Variants in KDM1B observed in about 807,000 individuals in gnomAD.
KDM1B encodes lysine demethylase 1B, also known as lysine-specific histone demethylase 2.
In KDM1B, 63 loss-of-function variants were observed where a neutral mutation model predicts 107.4. The observed-to-expected ratio is 0.59, with a 90% CI of 0.48 to 0.72. The LOEUF is 0.72. KDM1B is among the 30% of genes least tolerant of loss of function. KDM1B has a pLI of 0.00. For missense variants in KDM1B, 749 were observed against 1,020.8 expected (o/e 0.73, Z 3.63); for synonymous variants, 363 against 363.9 (o/e 1.00, Z 0.03).
chr6:18,194,302 C>T (rs890075217), intron 10 of KDM1B, among the ~76,000 whole-genome samples: 3 of 152,180 alleles, frequency 2.0e-5, no homozygotes, highest in African/African-American at 4.8e-5. Flanking sequence ...GCTGTAAAGG[C>T]GTGAGCCACC....
At chr6:18,174,481 C>T (rs1340176454) in intron 7 of KDM1B, among the ~76,000 whole-genome samples, 3 of 151,940 alleles carry the variant, frequency 2.0e-5, no homozygotes, top group Admixed American at 6.6e-5. Flanking sequence ...TTTTATTTTT[C>T]TGTAGGTTAT....
At chr6:18,187,705 C>G (rs371375918) in intron 8 of KDM1B, 87 bp from the exon 9 acceptor site, 2 of 880,022 alleles carry the variant, frequency 2.3e-6, no homozygotes, top group Admixed American at 2.1e-5. Context: ...ACAAGTGAAA[C>G]GAAGAGAACC....
intron 12 of KDM1B, among the ~76,000 whole-genome samples, chr6:18,199,596 C>T (rs1164159095): frequency 1.3e-5 from 2 of 152,092 alleles, no homozygotes; most frequent in Non-Finnish European, 2.9e-5. Context: ...AGCAGCTTCT[C>T]ATGCCACCAG....
At chr6:18,188,275 A>G (rs891952859) in intron 9 of KDM1B, among the ~76,000 whole-genome samples, 1 of 152,188 alleles carries the variant, frequency 6.6e-6, no homozygotes, top group African/African-American at 2.4e-5. Context: ...CCTATGATAT[A>G]AAGCCCCTCA....
At chr6:18,160,024 G>T in intron 3 of KDM1B, 42 bp downstream of exon 3, 1 of 1,305,262 alleles carries the variant, frequency 7.7e-7, no homozygotes, top group South Asian at 1.3e-5. Flanking sequence ...TTTTGAGCAT[G>T]CAGAATTACT....
At chr6:18,163,291 C>A (rs1395523069) in intron 5 of KDM1B, among the ~76,000 whole-genome samples, 2 of 152,048 alleles carry the variant, frequency 1.3e-5, no homozygotes, top group South Asian at 4.1e-4. Context: ...AACTCCTGGG[C>A]TCAAAAGATC....
At chr6:18,208,932 G>A (rs1788620596) in intron 17 of KDM1B, among the ~76,000 whole-genome samples, 1 of 151,764 alleles carries the variant, frequency 6.6e-6, no homozygotes, top group African/African-American at 2.4e-5. Flanking sequence ...GGGGTAACAG[G>A]CGTGAGCCAC....
In KDM1B at chr6:18,197,627, C is replaced by T. The variant is rs143164118; in HGVS notation, c.1187C>T (p.Ala396Val). ...IIIGAGPAGL[A>V]AARQLHNFGI... is the part of the protein sequence containing the mutation. ...ATCGGGGCTGGTCCAGCAGGATTAG[C>T]AGCTGCTAGGCAACTGCATAACTTT... Residue 396 changes from alanine to valine, a missense_variant, in exon 12 of 22, where the codon GCA becomes GTA. Coordinates refer to ENST00000650836, the MANE Select transcript of KDM1B (RefSeq NM_001364614.2). This position sits in a 1 kb window ranked among gnomAD's most constrained non-coding sequence, Gnocchi z 4.5. 1 of 1,614,074 alleles carries T rather than the reference C, an allele frequency of 6.2e-7. No homozygotes were observed. The highest frequency in any genetic ancestry group is 2.2e-5 in the East Asian group (1 of 44,878).
chr6:18,158,816 G>T lies in KDM1B; in HGVS notation c.-13-1067G>T, dbSNP rs144378389. Reference sequence around the variant, plus strand: ...TTGTAGACTTTGGTTCTTAATATATGTTTAACCATGCTGTTATTGGACTAG... The same window carrying T: ...TTGTAGACTTTGGTTCTTAATATATTTTTAACCATGCTGTTATTGGACTAG... On this transcript the variant is annotated intron_variant, in intron 2 of 21. Coordinates refer to ENST00000650836, the MANE Select transcript of KDM1B (RefSeq NM_001364614.2). 1.7e-3 allele frequency among the ~76,000 whole-genome samples: 261 copies of T among 152,174 alleles called. 1 individual carries two copies. The highest frequency in any genetic ancestry group is 5.6e-3 in the African/African-American group (232 of 41,502).
chr6:18,180,905 C>G (rs1440247825), intron 7 of KDM1B, among the ~76,000 whole-genome samples: 2 of 152,196 alleles, frequency 1.3e-5, no homozygotes, highest in Non-Finnish European at 2.9e-5. Flanking sequence ...TGTGCTTTGA[C>G]TAAACTGTAA....
intron 7 of KDM1B, among the ~76,000 whole-genome samples, chr6:18,175,227 C>T (rs1785913247): frequency 6.6e-6 from 1 of 152,122 alleles, no homozygotes; most frequent in Non-Finnish European, 1.5e-5. Context: ...CTTGCGTTTC[C>T]CCAATCGTTA....
Position 18,209,004 on chromosome 6 carries a change from ATTTTACTTTTATTCTG to A in KDM1B, c.1866+800_1866+815del, listed in dbSNP as rs1286632141. 3.9e-5 allele frequency among the ~76,000 whole-genome samples: 6 copies of A among 152,082 alleles called. No individual in the cohort carries two copies. The highest frequency in any genetic ancestry group is 2.1e-4 in the South Asian group (1 of 4,808). On this transcript the variant is annotated intron_variant, in intron 17 of 21. Transcript: ENST00000650836. This position sits in a 1 kb window ranked among gnomAD's most constrained non-coding sequence, Gnocchi z 4.3. Reference sequence around the variant, plus strand: ...GAGAAGTCCTGCATTAAAGAAATCTATTTTACTTTTATTCTGTGCTCTCCACATTTTTTTAAACCAC... The same window carrying A: ...GAGAAGTCCTGCATTAAAGAAATCTATGCTCTCCACATTTTTTTAAACCAC...
intron 10 of KDM1B, among the ~76,000 whole-genome samples, chr6:18,195,658 C>G (rs1186450927): frequency 3.4e-5 from 5 of 147,652 alleles, no homozygotes; most frequent in South Asian, 2.1e-4. Flanking sequence ...TCATTTGAAC[C>G]CGGGAGGCAG....
chr6:18,176,556 A>C (rs1786024256), intron 7 of KDM1B, among the ~76,000 whole-genome samples: 1 of 151,576 alleles, frequency 6.6e-6, no homozygotes, highest in Admixed American at 6.6e-5. Flanking sequence ...AATGCTTTCA[A>C]CTCTTCCCCA....
chr6:18,171,784 C>T (rs1480647945), intron 7 of KDM1B, among the ~76,000 whole-genome samples: 3 of 152,066 alleles, frequency 2.0e-5, no homozygotes, highest in Non-Finnish European at 4.4e-5. Context: ...CTGAAGGCCA[C>T]AAGGTAGTTG....
Position 18,202,029 on chromosome 6 carries a change from G to A in KDM1B, c.1531+372G>A, listed in dbSNP as rs545519957. On this transcript the variant is annotated intron_variant, in intron 14 of 21. Coordinates refer to ENST00000650836, the MANE Select transcript of KDM1B (RefSeq NM_001364614.2). ...CTTTTCTAGGTAAGGGTTTGTGTGT[G>A]CCAGGATTTCTTTTTGTTGAGCAGT... is the stretch of plus-strand genomic sequence containing the variant. Among the ~76,000 whole-genome samples, 9 of 152,276 alleles carry A rather than the reference G, an allele frequency of 5.9e-5. No homozygotes were observed. The East Asian group carries it at 1.5e-3, about 26-fold the overall frequency.
In KDM1B at chr6:18,201,442, T is replaced by C; in HGVS notation, c.1360-44T>C. The C allele has an allele frequency of 7.0e-7, 1 of 1,436,470 alleles. No homozygotes were observed. Among genetic ancestry groups the C allele is most frequent in the Non-Finnish European group, 9.4e-7 (1 of 1,062,256 alleles). 89.0% of individuals were successfully genotyped at this position (1,436,470 alleles called of 1,614,324 possible). On this transcript the variant is annotated intron_variant, in intron 13 of 21. Transcript: ENST00000650836. The surrounding 1 kb of genome is among the most constrained non-coding windows in gnomAD (Gnocchi z 4.3). ...TCAGCTTAGAACCTGTAAATATTTT[T>C]TTCCAGGGAAAATTTTCACCTTCTT...
chr6:18,192,497 G>C (rs1175754395), intron 10 of KDM1B, among the ~76,000 whole-genome samples: 1 of 152,186 alleles, frequency 6.6e-6, no homozygotes, highest in East Asian at 1.9e-4. Context: ...ATAGCCAGGT[G>C]AGTAGGCTGT....
chr6:18,210,842 T>C, intron 17 of KDM1B, among the ~76,000 whole-genome samples: 1 of 151,886 alleles, frequency 6.6e-6, no homozygotes, highest in Non-Finnish European at 1.5e-5. Flanking sequence ...CTACCAAACA[T>C]AAAAAAATTA....
Sources: allele counts gnomAD v4.1 joint callset (sites outside exome capture counted in the v4.1 genomes callset), GRCh38; gene constraint gnomAD v4.1.1; non-coding constraint Gnocchi (gnomAD v3.1); transcripts MANE v1.5; gene names NCBI Gene and HGNC (gene_info 2026-07-23, HGNC 2026-07-21).